Variants in FRRS1 observed in about 807,000 individuals in gnomAD.
The protein encoded by FRRS1 is ferric chelate reductase 1.
FRRS1 carries 51 observed loss-of-function variants against 70.7 expected under a neutral mutation model. The observed-to-expected ratio is 0.72, with a 90% CI of 0.58 to 0.91. FRRS1 has a LOEUF of 0.91. FRRS1 is among the 40% of genes least tolerant of loss of function. The pLI is 0.00. For missense variants in FRRS1, 672 were observed against 726.0 expected (o/e 0.93, Z 0.86); for synonymous variants, 225 against 238.7 (o/e 0.94, Z 0.53).
intron 9 of FRRS1, among the ~76,000 whole-genome samples, chr1:99,720,072 A>C (rs977328946): frequency 1.3e-5 from 2 of 152,222 alleles, no homozygotes; most frequent in Non-Finnish European, 2.9e-5. Flanking sequence ...ATCCTAGAAT[A>C]AACTAACTGA....
At chr1:99,709,355 C>T in intron 15 of FRRS1, 96 bp from the exon 16 acceptor site, 1 of 804,556 alleles carries the variant, frequency 1.2e-6, no homozygotes, top group Non-Finnish European at 2.0e-6. Flanking sequence ...ACCCCAATTT[C>T]CAGGGTAGAA....
rs1653971781 is a variant in FRRS1 at position 99,704,351 on chromosome 1, C to T, written c.*4677G>A. Among the ~76,000 whole-genome samples, 1 of 152,100 alleles carries T rather than the reference C, an allele frequency of 6.6e-6. No individual in the cohort carries two copies. Among genetic ancestry groups the T allele is most frequent in the Admixed American group, 6.5e-5 (1 of 15,290 alleles). On this transcript the variant is annotated 3_prime_UTR_variant, in exon 17 of 17. Transcript: ENST00000646001. ...TAAGGATGGTCAAAACAAAAAGATA[C>T]CAATGTTGGACAGCAAGTCAGGGAA...
At chr1:99,715,788 C>T in intron 11 of FRRS1, 116 bp from the exon 12 acceptor site, 1 of 519,750 alleles carries the variant, frequency 1.9e-6, no homozygotes, top group Middle Eastern at 3.0e-4. Flanking sequence ...GGCATGCATT[C>T]AACTGACATC....
chr1:99,738,272 G>C lies in FRRS1; in HGVS notation c.577-4C>G, dbSNP rs1214968055. On this transcript the variant is annotated splice_polypyrimidine_tract_variant and splice_region_variant and intron_variant, in intron 6 of 16. Transcript: ENST00000646001. ...TCCCACAATCTGAGGCACTGAACTAGAAAAATGACAGAGGAAAAAAAAATC... is the reference window on the plus strand; with the variant it reads ...TCCCACAATCTGAGGCACTGAACTACAAAAATGACAGAGGAAAAAAAAATC... 6.4e-7 allele frequency: 1 copy of C among 1,562,680 alleles called. No homozygotes were observed. The highest frequency in any genetic ancestry group is 8.6e-7 in the Non-Finnish European group (1 of 1,156,928).
At chr1:99,721,085 G>T (rs1310024211) in intron 9 of FRRS1, among the ~76,000 whole-genome samples, 3 of 152,140 alleles carry the variant, frequency 2.0e-5, no homozygotes, top group East Asian at 3.8e-4. Flanking sequence ...CAAAATGTTA[G>T]AAATTTAAAG....
At chr1:99,721,595 A>G (rs1191443938) in intron 9 of FRRS1, among the ~76,000 whole-genome samples, 4 of 151,114 alleles carry the variant, frequency 2.6e-5, no homozygotes, top group Admixed American at 6.6e-5. Flanking sequence ...CAATAGAAAA[A>G]TTCTTTTTTT....
At chr1:99,742,943 C>T (rs1316533946) in intron 4 of FRRS1, among the ~76,000 whole-genome samples, 1 of 152,126 alleles carries the variant, frequency 6.6e-6, no homozygotes, top group African/African-American at 2.4e-5. Context: ...TGTCCATCAC[C>T]TATCCCTCCC....
At chr1:99,727,822 T>A (rs1200363770) in intron 9 of FRRS1, among the ~76,000 whole-genome samples, 1 of 152,224 alleles carries the variant, frequency 6.6e-6, no homozygotes, top group Non-Finnish European at 1.5e-5. Flanking sequence ...ATCGAATTAT[T>A]CCTATTAATA....
chr1:99,740,231 T>A (rs769352077), intron 6 of FRRS1, among the ~76,000 whole-genome samples: 19 of 152,220 alleles, frequency 1.2e-4, no homozygotes, highest in Non-Finnish European at 2.8e-4. Flanking sequence ...AAAAAAACTA[T>A]TGCTTCATCA....
intron 1 of FRRS1, among the ~76,000 whole-genome samples, chr1:99,759,191 C>G (rs1006002116): frequency 2.0e-5 from 3 of 152,108 alleles, no homozygotes; most frequent in African/African-American, 7.2e-5. Context: ...TGTGCCTACT[C>G]CCTGTTCTTA....
At chr1:99,719,371 T>C (rs1042438505) in intron 10 of FRRS1, among the ~76,000 whole-genome samples, 163 bp downstream of exon 10, 2 of 138,000 alleles carry the variant, frequency 1.4e-5, no homozygotes, top group African/African-American at 5.8e-5. Flanking sequence ...ATCGTGCCAC[T>C]GCACTCCAGC....
chr1:99,715,787 T>G, intron 11 of FRRS1, 115 bp from the exon 12 acceptor site: 1 of 625,594 alleles, frequency 1.6e-6, no homozygotes, highest in Non-Finnish European at 2.9e-6. Context: ...AGGCATGCAT[T>G]CAACTGACAT....
chr1:99,743,173 C>T (rs1010140158), intron 4 of FRRS1, among the ~76,000 whole-genome samples: 23 of 152,112 alleles, frequency 1.5e-4, no homozygotes, highest in African/African-American at 4.6e-4. Flanking sequence ...ACATATTGCA[C>T]ATAAAATTAA....
intron 7 of FRRS1, among the ~76,000 whole-genome samples, chr1:99,733,238 A>G (rs1018938082): frequency 1.3e-5 from 2 of 152,202 alleles, no homozygotes; most frequent in Non-Finnish European, 2.9e-5. Flanking sequence ...CAAGAGGACT[A>G]ATGGCGGGTT....
chr1:99,740,390 C>A (rs142931366), intron 6 of FRRS1, among the ~76,000 whole-genome samples: 59 of 152,298 alleles, frequency 3.9e-4, no homozygotes, highest in African/African-American at 1.4e-3. Context: ...CAGATTCCTA[C>A]AGAGGACTCC....
chr1:99,761,188 G>A (rs1156667587), intron 1 of FRRS1, among the ~76,000 whole-genome samples: 1 of 152,046 alleles, frequency 6.6e-6, no homozygotes, highest in African/African-American at 2.4e-5. Flanking sequence ...GAGCAGTGGT[G>A]CAATCTCGGC....
chr1:99,765,597 G>C (rs1284962589), intron 1 of FRRS1: 2 of 141,394 alleles, frequency 1.4e-5, no homozygotes, highest in Admixed American at 7.2e-5. Flanking sequence ...GCAACACTCC[G>C]TCTCGAAAAT....
chr1:99,710,292 C>A (rs1181707075), intron 15 of FRRS1, among the ~76,000 whole-genome samples: 1 of 152,154 alleles, frequency 6.6e-6, no homozygotes, highest in African/African-American at 2.4e-5. Flanking sequence ...GTATCCTGAC[C>A]CTGCCTGGCA....
chr1:99,713,131 G>A (rs1224462555), intron 12 of FRRS1, among the ~76,000 whole-genome samples: 1 of 152,140 alleles, frequency 6.6e-6, no homozygotes, highest in African/African-American at 2.4e-5. Context: ...ACTGTCCTAA[G>A]TACTTTCAGT....
Sources: gnomAD v4.1 joint callset for allele counts (sites outside exome capture counted in the v4.1 genomes callset) on GRCh38, gnomAD v4.1.1 for gene constraint, MANE v1.5 for transcripts, NCBI Gene and HGNC (gene_info 2026-07-23, HGNC 2026-07-21) for gene names.